Variants in RAI14 observed in about 807,000 individuals in gnomAD.
The protein encoded by RAI14 is ankycorbin.
In RAI14, 45 loss-of-function variants were observed where a neutral mutation model predicts 115.4. The observed-to-expected ratio is 0.39, with a 90% CI of 0.31 to 0.50. The LOEUF is 0.50. Ranked by LOEUF, RAI14 falls within the 20% of genes least tolerant of loss-of-function variation. The probability of loss-of-function intolerance (pLI) is 0.85; values close to 1 mark genes in which losing one functional copy is unlikely to be tolerated. For missense variants in RAI14, 939 were observed against 1,131.2 expected (o/e 0.83, Z 2.44); for synonymous variants, 371 against 415.4 (o/e 0.89, Z 1.30).
At chr5:34,797,169 G>T (rs577891554) in intron 4 of RAI14, among the ~76,000 whole-genome samples, 6 of 152,154 alleles carry the variant, frequency 3.9e-5, no homozygotes, top group African/African-American at 1.4e-4. Context: ...GCTTCTAATA[G>T]GTTTCTATTA....
At chr5:34,828,405 C>T (rs1026630011) in intron 16 of RAI14, among the ~76,000 whole-genome samples, 23 of 151,898 alleles carry the variant, frequency 1.5e-4, no homozygotes, top group African/African-American at 5.6e-4. Flanking sequence ...ATGACAGAGG[C>T]AGTGATAGAA....
intron 2 of RAI14, among the ~76,000 whole-genome samples, chr5:34,711,361 C>T (rs1741380717): frequency 6.6e-6 from 1 of 151,888 alleles, no homozygotes; most frequent in South Asian, 2.1e-4. Flanking sequence ...TTACAGAGAA[C>T]CTTCTTAAGG....
At chr5:34,826,260 T>C (rs1757433227) in intron 15 of RAI14, 70 bp from the exon 16 acceptor site, 2 of 1,478,666 alleles carry the variant, frequency 1.4e-6, no homozygotes, top group Admixed American at 3.8e-5. Context: ...TGTTTGAGGC[T>C]TACAAATATA....
chr5:34,711,155 C>G (rs895935345), intron 2 of RAI14, among the ~76,000 whole-genome samples: 1 of 152,168 alleles, frequency 6.6e-6, no homozygotes, highest in African/African-American at 2.4e-5. Flanking sequence ...AAGAGACAAC[C>G]AAACAGGCTT....
intron 1 of RAI14, among the ~76,000 whole-genome samples, chr5:34,672,174 C>G (rs1301847265): frequency 6.6e-6 from 1 of 152,056 alleles, no homozygotes; most frequent in Non-Finnish European, 1.5e-5. Context: ...TAAAAAAAAA[C>G]TGAATGATTT....
intron 3 of RAI14, among the ~76,000 whole-genome samples, chr5:34,775,611 C>T (rs164309): frequency 0.6 from 91,807 of 152,056 alleles, 29,454 homozygotes; most frequent in African/African-American, 0.83. Context: ...TGAACCGACA[C>T]TTCCCAAAAG....
At position 34,772,359 on chromosome 5, in the gene RAI14, T is replaced by C. The variant is rs546348416; in HGVS notation, c.167+14761T>C. ...AGTTATTAAGTTAGTGCAAAAGTGA[T>C]TGTGGTTTTTGCCATACTTTTAATG... On this transcript the variant is annotated intron_variant, in intron 3 of 17. Coordinates refer to ENST00000265109, the MANE Select transcript of RAI14 (RefSeq NM_015577.3). 1.1e-4 allele frequency among the ~76,000 whole-genome samples: 16 copies of C among 152,336 alleles called. No individual in the cohort carries two copies. In the South Asian group the frequency reaches 3.1e-3, roughly 30 times the overall value.
At chr5:34,672,807 GGTCCA>G (rs1561226354) in intron 1 of RAI14, among the ~76,000 whole-genome samples, 1 of 152,124 alleles carries the variant, frequency 6.6e-6, no homozygotes, top group East Asian at 1.9e-4. Flanking sequence ...GAGGTCTACT[GGTCCA>G]GCTGAGCCCC....
rs188621758 is a variant in RAI14, at chr5:34,753,719, T to G, written c.37-3749T>G. 1.3e-3 allele frequency among the ~76,000 whole-genome samples: 197 copies of G among 152,142 alleles called. 1 individual carries two copies. The highest frequency in any genetic ancestry group is 4.4e-3 in the African/African-American group (182 of 41,518). On this transcript the variant is annotated intron_variant, in intron 2 of 17. Coordinates refer to ENST00000265109, the MANE Select transcript of RAI14 (RefSeq NM_015577.3). ...TCACGAGGTCAAGCGCTCAAGACCATCCTGGCTAACATGGTGAAACCCCAC... is the reference window on the plus strand; with the variant it reads ...TCACGAGGTCAAGCGCTCAAGACCAGCCTGGCTAACATGGTGAAACCCCAC...
At chr5:34,689,476 G>C (rs1358751670) in intron 2 of RAI14, among the ~76,000 whole-genome samples, 1 of 152,134 alleles carries the variant, frequency 6.6e-6, no homozygotes, top group African/African-American at 2.4e-5. Flanking sequence ...CTAGGTTTGT[G>C]GCTCTGGACA....
chr5:34,712,231 A>G (rs1021079117), intron 2 of RAI14, among the ~76,000 whole-genome samples: 1 of 152,236 alleles, frequency 6.6e-6, no homozygotes, highest in African/African-American at 2.4e-5. Context: ...TAAGTTATAA[A>G]CATCACTAAT....
At chr5:34,705,333 G>A (rs1156586133) in intron 2 of RAI14, among the ~76,000 whole-genome samples, 1 of 151,820 alleles carries the variant, frequency 6.6e-6, no homozygotes, top group African/African-American at 2.4e-5. Flanking sequence ...CCCAATAAGA[G>A]TTTTCATGGT....
chr5:34,798,906 C>T (rs1431289686), intron 4 of RAI14, among the ~76,000 whole-genome samples: 1 of 152,212 alleles, frequency 6.6e-6, no homozygotes, highest in Non-Finnish European at 1.5e-5. Flanking sequence ...TTGAAGATGT[C>T]TCAGAGCTCC....
At chr5:34,780,042 A>G (rs1751410483) in intron 3 of RAI14, among the ~76,000 whole-genome samples, 1 of 152,238 alleles carries the variant, frequency 6.6e-6, no homozygotes, top group Non-Finnish European at 1.5e-5. Context: ...CCAATGGAAC[A>G]GAACAGAGCC....
chr5:34,773,975 G>C (rs1325114416), intron 3 of RAI14, among the ~76,000 whole-genome samples: 1 of 152,118 alleles, frequency 6.6e-6, no homozygotes, highest in African/African-American at 2.4e-5. Flanking sequence ...AAATTGGAAA[G>C]GAAAAAGCCA....
At chr5:34,792,986 C>T (rs1753104362) in intron 3 of RAI14, among the ~76,000 whole-genome samples, 2 of 152,164 alleles carry the variant, frequency 1.3e-5, no homozygotes, top group Non-Finnish European at 2.9e-5. Flanking sequence ...TCTAAACTCT[C>T]AATGGGAGAG....
intron 15 of RAI14, 103 bp from the exon 16 acceptor site, chr5:34,826,227 C>T: frequency 3.6e-6 from 4 of 1,114,648 alleles, no homozygotes; most frequent in Non-Finnish European, 5.0e-6. Flanking sequence ...GTCTTAAGTC[C>T]CAGAGGCCAA....
intron 3 of RAI14, among the ~76,000 whole-genome samples, chr5:34,780,928 T>C (rs1203681974): frequency 6.6e-6 from 1 of 152,174 alleles, no homozygotes; most frequent in South Asian, 2.1e-4. Flanking sequence ...CACGTATGTT[T>C]ATTGCGGCAC....
chr5:34,782,077 C>G (rs572176261), intron 3 of RAI14, among the ~76,000 whole-genome samples: 12 of 152,286 alleles, frequency 7.9e-5, no homozygotes, highest in African/African-American at 2.9e-4. Context: ...GTTTGTGGTT[C>G]AGGAATGCCT....
Sources: gnomAD v4.1 joint callset for allele counts (sites outside exome capture counted in the v4.1 genomes callset) on GRCh38, gnomAD v4.1.1 for gene constraint, MANE v1.5 for transcripts, NCBI Gene and HGNC (gene_info 2026-07-23, HGNC 2026-07-21) for gene names.